The following RSPH4A variants were observed in gnomAD, a reference collection of about 807,000 sequenced individuals.
The protein encoded by RSPH4A is radial spoke head component 4A.
A neutral mutation model predicts 71.0 loss-of-function variants in RSPH4A; 47 were observed. That is an observed-to-expected ratio of 0.66 (90% CI 0.52 to 0.84). The LOEUF is 0.84. RSPH4A is among the 40% of genes least tolerant of loss of function. The probability of loss-of-function intolerance (pLI) is 0.00; values close to 1 mark genes in which losing one functional copy is unlikely to be tolerated. For missense variants in RSPH4A, 793 were observed against 855.2 expected (o/e 0.93, Z 0.91); for synonymous variants, 282 against 302.3 (o/e 0.93, Z 0.70).
intron 2 of RSPH4A, among the ~76,000 whole-genome samples, chr6:116,624,133 A>G (rs1291295091): frequency 6.6e-6 from 1 of 152,198 alleles, no homozygotes; most frequent in Non-Finnish European, 1.5e-5. Flanking sequence ...TCTGTCAGGG[A>G]AAAGATAAGG....
At chr6:116,629,747 T>A in intron 4 of RSPH4A, 45 bp downstream of exon 4, 1 of 1,521,746 alleles carries the variant, frequency 6.6e-7, no homozygotes, top group Non-Finnish European at 9.1e-7. Flanking sequence ...ACAAACAATA[T>A]AATATACTGT....
chr6:116,629,372 TTAAAA>T (rs1476797048), intron 3 of RSPH4A, among the ~76,000 whole-genome samples, 190 bp from the exon 4 acceptor site: 1 of 152,216 alleles, frequency 6.6e-6, no homozygotes, highest in Non-Finnish European at 1.5e-5. Context: ...TGGCAAATTC[TTAAAA>T]TAAATAGCAC....
Position 116,628,047 on chromosome 6 carries a change from T to C in RSPH4A, c.1340T>C (p.Val447Ala), listed in dbSNP as rs371062144. ...PGRPWVKLPP[V>A]IPAQIVIARK... ...AGACCATGGGTGAAGTTACCACCAG[T>C]TATACCTGCACAAATTGTTATTGCA... The change falls in exon 3 of 6, where the codon GTT (valine) becomes GCT (alanine). Residue 447 changes from valine (V) to alanine (A), a missense_variant. By Grantham distance (64) the Val-to-Ala change is moderately conservative (BLOSUM62 0). Transcript: ENST00000229554. 3.6e-5 allele frequency: 58 copies of C among 1,614,202 alleles called. No individual in the cohort carries two copies. The African/African-American group carries it at 5.5e-4, about 15-fold the overall frequency.
rs1775778065 is a variant in RSPH4A, at chr6:116,630,539, TTC to T, written c.1906_1907del (p.Ser636GlnfsTer6). 21 of 1,525,340 alleles carry T rather than the reference TTC, an allele frequency of 1.4e-5. No homozygotes were observed. The highest frequency in any genetic ancestry group is 1.9e-5 in the Non-Finnish European group (21 of 1,099,142). The allele number at this position is 1,525,340 out of a possible 1,614,324, so 94.5% of individuals were successfully genotyped here. The stretch of plus-strand genomic sequence containing the variant: ...CAACCTTTGGCCTGGAGCATATGCC[TTC>T]TCCAATGGCAAGTAAGTATCTGACC... ...QSNLWPGAYAFSNGKKFENFY... is the reference protein window; with the variant it reads ...QSNLWPGAYAXSNGKKFENFY... On this transcript the variant is annotated frameshift_variant, in exon 5 of 6. Coordinates refer to ENST00000229554, the MANE Select transcript of RSPH4A (RefSeq NM_001010892.3). LOFTEE classifies it high-confidence loss of function.
Position 116,629,629 on chromosome 6 carries a change from AG to A in RSPH4A, c.1726del (p.Glu576LysfsTer8). ...NEEEEEEEDE[E>X]KDDSDYIEQE... ...AGGAAGAAGAAGAGGAAGAAGATGA[AG>A]AAAAAGACGATTCTGACTACATAGA... On this transcript the variant is annotated frameshift_variant, in exon 4 of 6. Transcript: ENST00000229554. LOFTEE classifies it high-confidence loss of function. 1 of 1,613,188 alleles carries A rather than the reference AG, an allele frequency of 6.2e-7. No individual in the cohort carries two copies. Among genetic ancestry groups the A allele is most frequent in the South Asian group, 1.1e-5 (1 of 91,056 alleles).
intron 2 of RSPH4A, among the ~76,000 whole-genome samples, chr6:116,626,007 G>A (rs1775686813): frequency 6.6e-6 from 1 of 152,102 alleles, no homozygotes; most frequent in South Asian, 2.1e-4. Flanking sequence ...TGAGAGATGC[G>A]ATAAGTGAAA....
rs186074347 is a variant in RSPH4A at position 116,628,475 on chromosome 6, T to C, written c.1662+106T>C. ...CAAAATAAAGGCCTTTGGACTCTAT[T>C]TAATAGGCAGGAAAAGAGATAATTA... On this transcript the variant is annotated intron_variant, in intron 3 of 5. Transcript: ENST00000229554. 3 of 874,852 alleles carry C rather than the reference T, an allele frequency of 3.4e-6. No individual in the cohort carries two copies. In the African/African-American group the frequency reaches 5.1e-5, roughly 15 times the overall value. The allele number at this position is 874,852 out of a possible 1,614,324, so 54.2% of individuals were successfully genotyped here.
At chr6:116,620,156 A>AAAC (rs1346161470) in intron 1 of RSPH4A, among the ~76,000 whole-genome samples, 1 of 152,274 alleles carries the variant, frequency 6.6e-6, no homozygotes, top group Non-Finnish European at 1.5e-5. Flanking sequence ...CTGAATTTAC[A>AAAC]AACTGCTAAA....
intron 4 of RSPH4A, 44 bp from the exon 5 acceptor site, chr6:116,630,391 G>A (rs1775774413): frequency 1.0e-6 from 1 of 983,482 alleles, no homozygotes; most frequent in Admixed American, 1.7e-5. Context: ...GTAGATTCTT[G>A]TCTAGTTAGG....
At chr6:116,620,228 A>G (rs1427918967) in intron 1 of RSPH4A, among the ~76,000 whole-genome samples, 2 of 152,238 alleles carry the variant, frequency 1.3e-5, no homozygotes, top group Non-Finnish European at 2.9e-5. Context: ...CAATGTGAAA[A>G]CATAAAATTT....
At chr6:116,629,746 A>G (rs367735435) in intron 4 of RSPH4A, 44 bp downstream of exon 4, 15 of 1,524,328 alleles carry the variant, frequency 9.8e-6, no homozygotes, top group African/African-American at 8.3e-5. Context: ...CACAAACAAT[A>G]TAATATACTG....
rs775574466 is a variant in RSPH4A, at chr6:116,616,858, ACAT to A, written c.241_243del (p.Ser81del). On this transcript the variant is annotated inframe_deletion, in exon 1 of 6. Transcript: ENST00000229554. Reference sequence around the variant, plus strand: ...TCTGGGTGGCCCCGCGGGACCAGAAACATCATCACCTGCTCCTGTCTCTCCGCG... The same window carrying A: ...TCTGGGTGGCCCCGCGGGACCAGAAACATCACCTGCTCCTGTCTCTCCGCG... 6.2e-7 allele frequency: 1 copy of A among 1,614,116 alleles called. No homozygotes were observed. The highest frequency in any genetic ancestry group is 8.5e-7 in the Non-Finnish European group (1 of 1,180,004).
rs1402177788 is a variant in RSPH4A, at chr6:116,628,259, G to A, written c.1552G>A (p.Gly518Ser). 3.1e-6 allele frequency: 5 copies of A among 1,611,902 alleles called. No homozygotes were observed. The East Asian group carries it at 8.9e-5, about 29-fold the overall frequency. ...AGGAGAGGAGGAGGAAGAGGCAGAA[G>A]GTGGGCGAAATAGCTTTGAGGAAAA... ...EEGEEEEEAE[G>S]GRNSFEENPD... The change falls in exon 3 of 6, where the codon GGT becomes AGT. Residue 518 changes from glycine (G) to serine (S), a missense_variant. Coordinates refer to ENST00000229554, the MANE Select transcript of RSPH4A (RefSeq NM_001010892.3).
intron 1 of RSPH4A, among the ~76,000 whole-genome samples, chr6:116,620,262 TG>T (rs1210660461): frequency 6.6e-6 from 1 of 152,258 alleles, no homozygotes; most frequent in South Asian, 2.1e-4. Context: ...ATTTTATAAT[TG>T]ATATTACTTA....
In RSPH4A at chr6:116,616,960, A is replaced by C. The variant is rs1775516425; in HGVS notation, c.337A>C (p.Thr113Pro). The C allele has an allele frequency of 6.2e-7, 1 of 1,614,228 alleles. No homozygotes were observed. The highest frequency in any genetic ancestry group is 8.5e-7 in the Non-Finnish European group (1 of 1,180,042). Residue 113 changes from threonine to proline, a missense_variant, in exon 1 of 6, where the codon ACC becomes CCC. Thr to Pro is a conservative substitution (Grantham distance 38). Coordinates refer to ENST00000229554, the MANE Select transcript of RSPH4A (RefSeq NM_001010892.3). ...CGCGGCACCACCTCAGTCGGACAGG[A>C]CCACGAGTGTGATTCCTGAAGCTGG... The part of the protein sequence containing the change: ...DLAAPPQSDR[T>P]TSVIPEAGTP...
rs369911397 is a variant in RSPH4A, at chr6:116,622,755, T to C, written c.687-13T>C. On this transcript the variant is annotated splice_polypyrimidine_tract_variant and intron_variant, in intron 1 of 5. Transcript: ENST00000229554. Reference sequence around the variant, plus strand: ...GACATGTATATTATCTGGAATTTTCTCTGTTTGGATAGATATGATCATCTT... The same window carrying C: ...GACATGTATATTATCTGGAATTTTCCCTGTTTGGATAGATATGATCATCTT... The C allele has an allele frequency of 2.1e-5, 31 of 1,502,750 alleles. No homozygotes were observed. The African/African-American group carries it at 4.1e-4, about 20-fold the overall frequency. The allele number at this position is 1,502,750 out of a possible 1,614,324, so 93.1% of individuals were successfully genotyped here.
At chr6:116,630,403 A>C in intron 4 of RSPH4A, 32 bp from the exon 5 acceptor site, 1 of 1,136,280 alleles carries the variant, frequency 8.8e-7, no homozygotes, top group Non-Finnish European at 1.3e-6. Flanking sequence ...CTAGTTAGGA[A>C]TTAAGCTTTT....
intron 5 of RSPH4A, 88 bp downstream of exon 5, chr6:116,630,640 CGTT>C (rs1388259429): frequency 3.1e-5 from 15 of 491,040 alleles, no homozygotes; most frequent in Non-Finnish European, 5.0e-5. Context: ...AAGCTACTAT[CGTT>C]GTTTCTTTGG....
In RSPH4A at chr6:116,628,382, C is replaced by T. The variant is rs1481778625; in HGVS notation, c.1662+13C>T. On this transcript the variant is annotated intron_variant, in intron 3 of 5. Transcript: ENST00000229554. ...TATTCTCTCTCAGGTAGGAGCTTTG[C>T]ACTTCTCAATCTATCAGGTAATTAG... 6.3e-7 allele frequency: 1 copy of T among 1,590,072 alleles called. No homozygotes were observed. The highest frequency in any genetic ancestry group is 8.6e-7 in the Non-Finnish European group (1 of 1,158,854).
Sources: gnomAD v4.1 joint callset for allele counts (sites outside exome capture counted in the v4.1 genomes callset) on GRCh38, gnomAD v4.1.1 for gene constraint, MANE v1.5 for transcripts, NCBI Gene and HGNC (gene_info 2026-07-23, HGNC 2026-07-21) for gene names.